The following ZBTB24 variants were observed in gnomAD, a reference collection of about 807,000 sequenced individuals.
ZBTB24 encodes zinc finger and BTB domain-containing protein 24.
ZBTB24 carries 32 observed loss-of-function variants against 53.8 expected under a neutral mutation model. The observed-to-expected ratio is 0.60, with a 90% CI of 0.45 to 0.80. ZBTB24 has a LOEUF of 0.80. ZBTB24 is among the 30% of genes least tolerant of loss of function. The pLI is 0.00. For missense variants in ZBTB24, 722 were observed against 837.1 expected, an observed-to-expected ratio of 0.86 and a Z score of 1.70; for synonymous variants, 297 against 306.7, an observed-to-expected ratio of 0.97 and a Z score of 0.33.
At chr6:109,478,900 G>A (rs1776337126) in intron 2 of ZBTB24, among the ~76,000 whole-genome samples, 1 of 150,968 alleles carries the variant, frequency 6.6e-6, no homozygotes, top group Admixed American at 6.6e-5. Context: ...ATAGAGGTAA[G>A]ATAATACATT....
rs1776432579 is a variant in ZBTB24 at position 109,482,108 on chromosome 6, T to C, written c.-28-54A>G. 4 of 1,240,648 alleles carry C rather than the reference T, an allele frequency of 3.2e-6. No homozygotes were observed. The South Asian group carries it at 3.8e-5, about 12-fold the overall frequency. The allele number at this position is 1,240,648 out of a possible 1,614,324, so 76.9% of individuals were successfully genotyped here. On this transcript the variant is annotated intron_variant, in intron 1 of 6. Coordinates refer to ENST00000230122, the MANE Select transcript of ZBTB24 (RefSeq NM_014797.3). ...GAGAAAGCACTGTCTAAAAGGTTAATGCCAGCCCACATGAACTTCCTATTC... is the reference window on the plus strand; with the variant it reads ...GAGAAAGCACTGTCTAAAAGGTTAACGCCAGCCCACATGAACTTCCTATTC...
chr6:109,480,825 C>G, intron 2 of ZBTB24: 1 of 606,502 alleles, frequency 1.6e-6, no homozygotes, highest in Non-Finnish European at 2.1e-6. Context: ...AACTTGGTTG[C>G]TTCATCTGTA....
chr6:109,475,293 ATAAACATT>A (rs1160182804), intron 5 of ZBTB24, 98 bp downstream of exon 5: 3 of 1,356,872 alleles, frequency 2.2e-6, no homozygotes, highest in Non-Finnish European at 3.1e-6. Context: ...CCAATTTATA[ATAAACATT>A]TCCAAACACA....
At chr6:109,467,605 A>G (rs762441503) in intron 6 of ZBTB24, 48 bp downstream of exon 6, 1 of 1,614,108 alleles carries the variant, frequency 6.2e-7, no homozygotes, top group African/African-American at 1.3e-5. Flanking sequence ...ACTGAACAGC[A>G]GAACTGAATG....
intron 5 of ZBTB24, among the ~76,000 whole-genome samples, chr6:109,470,127 A>G (rs773888318): frequency 3.0e-4 from 45 of 152,230 alleles, no homozygotes; most frequent in Non-Finnish European, 4.9e-4. Flanking sequence ...GGATAAGGTA[A>G]TAGGACAGGG....
intron 5 of ZBTB24, among the ~76,000 whole-genome samples, chr6:109,473,697 T>C (rs1016312322): frequency 2.6e-5 from 4 of 152,210 alleles, no homozygotes; most frequent in Non-Finnish European, 5.9e-5. Flanking sequence ...CCTAAAACAA[T>C]GTCTGGTTCC....
At position 109,483,181 on chromosome 6, in the gene ZBTB24, C is replaced by G. The variant is rs962005036; in HGVS notation, c.-112G>C. ...CGCCTCTGGGGCTTCTGCGCCGCACCGGTTTCTGCTCCTGCGCCGCCGCCG... is the reference window on the plus strand; with the variant it reads ...CGCCTCTGGGGCTTCTGCGCCGCACGGGTTTCTGCTCCTGCGCCGCCGCCG... On this transcript the variant is annotated 5_prime_UTR_variant, in exon 1 of 7. Transcript: ENST00000230122. 6 of 152,038 alleles carry G rather than the reference C, an allele frequency of 3.9e-5. No individual in the cohort carries two copies. The highest frequency in any genetic ancestry group is 1.3e-4 in the Admixed American group (2 of 15,250). 9.4% of individuals were successfully genotyped at this position (152,038 alleles called of 1,614,324 possible).
chr6:109,482,789 T>G (rs927070770), intron 1 of ZBTB24, among the ~76,000 whole-genome samples: 1 of 152,194 alleles, frequency 6.6e-6, no homozygotes, highest in Non-Finnish European at 1.5e-5. Flanking sequence ...TCTCCCAGAT[T>G]ATTAGCCATT....
At chr6:109,466,899 G>T (rs1349587375) in intron 6 of ZBTB24, among the ~76,000 whole-genome samples, 1 of 152,088 alleles carries the variant, frequency 6.6e-6, no homozygotes, top group Non-Finnish European at 1.5e-5. Flanking sequence ...GTTCTCTTTT[G>T]TTTTGTCTTA....
intron 5 of ZBTB24, among the ~76,000 whole-genome samples, chr6:109,472,115 G>A (rs779854249): frequency 1.1e-4 from 16 of 152,102 alleles, no homozygotes; most frequent in Non-Finnish European, 1.3e-4. Flanking sequence ...TTGGTTTCCA[G>A]CTGAGCATGG....
intron 2 of ZBTB24, among the ~76,000 whole-genome samples, chr6:109,479,730 C>G (rs1490571858): frequency 6.6e-6 from 1 of 152,060 alleles, no homozygotes; most frequent in African/African-American, 2.4e-5. Flanking sequence ...GCCTGACCAA[C>G]ATGGTGAAAC....
Position 109,476,390 on chromosome 6 carries a change from C to T in ZBTB24, c.1121-132G>A, listed in dbSNP as rs1032246340. 31 of 886,566 alleles carry T rather than the reference C, an allele frequency of 3.5e-5. No homozygotes were observed. The African/African-American group carries it at 4.7e-4, about 14-fold the overall frequency. 54.9% of individuals were successfully genotyped at this position (886,566 alleles called of 1,614,324 possible). A position where few individuals can be genotyped will look rare whatever the true frequency, so the allele number is the denominator to read the frequency against. On this transcript the variant is annotated intron_variant, in intron 3 of 6. Transcript: ENST00000230122. ...ATGATACAAGCGACTTGTTTACATACCCAGAAGCCTTCAATCTACCACAGA... is the reference window on the plus strand; with the variant it reads ...ATGATACAAGCGACTTGTTTACATATCCAGAAGCCTTCAATCTACCACAGA...
Position 109,466,212 on chromosome 6 carries a change from G to A in ZBTB24, c.1733C>T (p.Ala578Val), listed in dbSNP as rs755693994. 1 of 1,614,240 alleles carries A rather than the reference G, an allele frequency of 6.2e-7. No homozygotes were observed. The highest frequency in any genetic ancestry group is 8.5e-7 in the Non-Finnish European group (1 of 1,180,042). ...GPSQGISIVT[A>V]ESSQNMTADQ... ...TGCAGTCATGTTTTGGGAACTCTCT[G>A]CAGTCACAATGCTGATTCCCTGGCT... The change falls in exon 7 of 7, where the codon GCA (alanine) becomes GTA (valine). Residue 578 changes from alanine (A) to valine (V), a missense_variant. By Grantham distance (64) the Ala-to-Val change is moderately conservative (BLOSUM62 0). Coordinates refer to ENST00000230122, the MANE Select transcript of ZBTB24 (RefSeq NM_014797.3).
In ZBTB24 at chr6:109,481,317, T is replaced by G; in HGVS notation, c.710A>C (p.Glu237Ala). The change falls in exon 2 of 7, where the codon GAG becomes GCG. Residue 237 changes from glutamate (E) to alanine (A), a missense_variant. Glu to Ala is a moderately radical substitution (Grantham distance 107). Transcript: ENST00000230122. Reference sequence around the variant, plus strand: ...ATCCTCGGTCTTGGGATCATAGTTCTCATCTTTTTCAACTGGCATTTCCTC... The same window carrying G: ...ATCCTCGGTCTTGGGATCATAGTTCGCATCTTTTTCAACTGGCATTTCCTC... Reference protein sequence around the residue: ...REEEMPVEKDENYDPKTEDGQ... With the variant: ...REEEMPVEKDANYDPKTEDGQ... The G allele has an allele frequency of 6.2e-7, 1 of 1,614,228 alleles. No homozygotes were observed. Among genetic ancestry groups the G allele is most frequent in the Non-Finnish European group, 8.5e-7 (1 of 1,180,044 alleles).
chr6:109,477,175 A>G (rs1182502093), intron 2 of ZBTB24, among the ~76,000 whole-genome samples: 1 of 152,124 alleles, frequency 6.6e-6, no homozygotes, highest in Non-Finnish European at 1.5e-5. Context: ...TCACTCTATC[A>G]CCCAGGCTGG....
chr6:109,482,173 G>T, intron 1 of ZBTB24, 119 bp from the exon 2 acceptor site: 1 of 830,106 alleles, frequency 1.2e-6, no homozygotes, highest in Non-Finnish European at 2.0e-6. Flanking sequence ...TACCATTTTT[G>T]TCTGTCTACA....
rs896353108 is a variant in ZBTB24, at chr6:109,464,145, CAG to C, written c.*1704_*1705del. 2 of 152,106 alleles carry C rather than the reference CAG, an allele frequency of 1.3e-5. No homozygotes were observed. The highest frequency in any genetic ancestry group is 4.8e-5 in the African/African-American group (2 of 41,416). 9.4% of individuals were successfully genotyped at this position (152,106 alleles called of 1,614,324 possible). ...ACCTGAAATAATACTTAGGGCTTAA[CAG>C]TGTTTGTAAAAAATTGTTATCTTTG... On this transcript the variant is annotated 3_prime_UTR_variant, in exon 7 of 7. Coordinates refer to ENST00000230122, the MANE Select transcript of ZBTB24 (RefSeq NM_014797.3).
At chr6:109,466,810 T>G (rs115406977) in intron 6 of ZBTB24, among the ~76,000 whole-genome samples, 2,748 of 152,220 alleles carry the variant, frequency 0.018, 95 homozygotes, top group African/African-American at 0.063. Context: ...GGCACGGCTA[T>G]ATATGATAAA....
chr6:109,478,113 T>C (rs1034341849), intron 2 of ZBTB24, among the ~76,000 whole-genome samples: 1 of 152,142 alleles, frequency 6.6e-6, no homozygotes, highest in Non-Finnish European at 1.5e-5. Context: ...AGGGCCCACT[T>C]AGGATTAAAC....
Sources: allele counts gnomAD v4.1 joint callset (sites outside exome capture counted in the v4.1 genomes callset), GRCh38; gene constraint gnomAD v4.1.1; transcripts MANE v1.5; gene names NCBI Gene and HGNC (gene_info 2026-07-23, HGNC 2026-07-21).